Variants in AHCYL2 observed in about 807,000 individuals in gnomAD.
AHCYL2 encodes S-adenosylhomocysteine hydrolase-like protein 2.
In AHCYL2, 28 loss-of-function variants were observed where a neutral mutation model predicts 81.4. That is an observed-to-expected ratio of 0.34 (90% CI 0.25 to 0.47). The LOEUF is 0.47. AHCYL2 is among the 20% of genes least tolerant of loss of function. The pLI is 1.00. For synonymous variants in AHCYL2, 272 were observed against 290.2 expected (o/e 0.94, Z 0.64); for missense variants, 551 against 785.1 (o/e 0.70, Z 3.56).
At chr7:129,319,136 A>T (rs771469018) in intron 1 of AHCYL2, among the ~76,000 whole-genome samples, 1 of 152,294 alleles carries the variant, frequency 6.6e-6, no homozygotes, top group South Asian at 2.1e-4. Context: ...AGAAGAAATG[A>T]AATACAAATG....
intron 1 of AHCYL2, among the ~76,000 whole-genome samples, chr7:129,236,919 A>G (rs528144331): frequency 1.3e-5 from 2 of 152,306 alleles, no homozygotes; most frequent in East Asian, 3.9e-4. Context: ...ACTGTATGCC[A>G]AGTGCTGGGG....
At chr7:129,403,864 A>T (rs1425347400) in intron 7 of AHCYL2, among the ~76,000 whole-genome samples, 4 of 60,640 alleles carry the variant, frequency 6.6e-5, no homozygotes, top group Non-Finnish European at 1.1e-4. Context: ...CCATCTCAAA[A>T]AAAAAAAAAA....
rs1324874538 is a variant in AHCYL2, at chr7:129,422,919, G to A, written c.1541G>A (p.Arg514Lys). 2.5e-6 allele frequency: 4 copies of A among 1,613,964 alleles called. No homozygotes were observed. The highest frequency in any genetic ancestry group is 2.5e-6 in the Non-Finnish European group (3 of 1,180,012). The change falls in exon 13 of 17, where the codon AGG becomes AAG. Residue 514 changes from arginine (R) to lysine (K), a missense_variant. Arg to Lys is a conservative substitution (Grantham distance 26, BLOSUM62 2). Transcript: ENST00000325006. ...VDHVIWPDGKRIVLLAEGRLL... is the reference protein window; with the variant it reads ...VDHVIWPDGKKIVLLAEGRLL... The stretch of plus-strand genomic sequence containing the variant: ...CATGTGATATGGCCTGATGGCAAGA[G>A]GATAGTACTGCTGGCAGAGGTAAGG...
chr7:129,301,764 C>T (rs77188998), intron 1 of AHCYL2, among the ~76,000 whole-genome samples: 1 of 152,134 alleles, frequency 6.6e-6, no homozygotes, highest in African/African-American at 2.4e-5. Flanking sequence ...GTTACTGTAG[C>T]TCTGTAGTAT....
chr7:129,361,066 T>C (rs1793915186), intron 1 of AHCYL2, among the ~76,000 whole-genome samples: 1 of 152,228 alleles, frequency 6.6e-6, no homozygotes, highest in Admixed American at 6.5e-5. Context: ...TTCCAGACTT[T>C]CTAAATCAGA....
At chr7:129,381,149 T>C (rs1024988084) in intron 2 of AHCYL2, among the ~76,000 whole-genome samples, 2 of 152,198 alleles carry the variant, frequency 1.3e-5, no homozygotes, top group Non-Finnish European at 2.9e-5. Context: ...AAATAGTTTG[T>C]AACATTTCAA....
chr7:129,403,345 A>G, intron 6 of AHCYL2, 34 bp from the exon 7 acceptor site: 1 of 1,479,352 alleles, frequency 6.8e-7, no homozygotes, highest in Non-Finnish European at 9.3e-7. Flanking sequence ...GACTTCAGCA[A>G]AGTGAATGAT....
Position 129,368,685 on chromosome 7 carries a change from C to G in AHCYL2, c.364-10953C>G. On this transcript the variant is annotated intron_variant, in intron 1 of 16. Coordinates refer to ENST00000325006, the MANE Select transcript of AHCYL2 (RefSeq NM_015328.4). The surrounding 1 kb of genome is among the most constrained non-coding windows in gnomAD (Gnocchi z 4.4). ...GGTTGGAAAAACAGTTATTACTCTA[C>G]GTTCTGATTAGTTCCTAGGTACTAG... is the stretch of plus-strand genomic sequence containing the variant. 9.3e-7 allele frequency: 1 copy of G among 1,080,562 alleles called. No homozygotes were observed. Among genetic ancestry groups the G allele is most frequent in the Non-Finnish European group, 1.4e-6 (1 of 724,492 alleles). 66.9% of individuals were successfully genotyped at this position (1,080,562 alleles called of 1,614,324 possible).
In AHCYL2 at chr7:129,389,812, A is replaced by G. The variant is rs1795380534; in HGVS notation, c.720+78A>G. 12 of 1,205,500 alleles carry G rather than the reference A, an allele frequency of 1.0e-5. 1 individual carries two copies. The South Asian group carries it at 1.8e-4, about 18-fold the overall frequency. The allele number at this position is 1,205,500 out of a possible 1,614,324, so 74.7% of individuals were successfully genotyped here. A position where few individuals can be genotyped will look rare whatever the true frequency, so the allele number is the denominator to read the frequency against. ...GCTACTGAAAGCTTACAACATGCCA[A>G]GCACCGAGTTAAGAGCTTAACAAGT... On this transcript the variant is annotated intron_variant, in intron 4 of 16. Coordinates refer to ENST00000325006, the MANE Select transcript of AHCYL2 (RefSeq NM_015328.4).
chr7:129,389,304 G>T, intron 3 of AHCYL2, 105 bp downstream of exon 3: 2 of 1,352,996 alleles, frequency 1.5e-6, no homozygotes, highest in Non-Finnish European at 2.0e-6. Context: ...ATTTCTATGT[G>T]ATAAGAATAC....
In AHCYL2 at chr7:129,368,439, A is replaced by C. The variant is rs1281336245; in HGVS notation, c.364-11199A>C. The C allele has an allele frequency of 3.7e-6, 6 of 1,613,642 alleles. No homozygotes were observed. Among genetic ancestry groups the C allele is most frequent in the Non-Finnish European group, 5.1e-6 (6 of 1,179,754 alleles). On this transcript the variant is annotated intron_variant, in intron 1 of 16. Coordinates refer to ENST00000325006, the MANE Select transcript of AHCYL2 (RefSeq NM_015328.4). The surrounding 1 kb of genome is among the most constrained non-coding windows in gnomAD (Gnocchi z 4.4). ...TTTGGGGCACTCAGATAACCCCAGT[A>C]TTTCCAAACCAGCTTTCCCTTTTGC... is the stretch of plus-strand genomic sequence containing the variant.
intron 1 of AHCYL2, among the ~76,000 whole-genome samples, chr7:129,316,992 A>C (rs532208054): frequency 6.6e-6 from 1 of 152,216 alleles, no homozygotes; most frequent in Non-Finnish European, 1.5e-5. Context: ...TAAATGCCAG[A>C]TAGAGGTGCT....
intron 1 of AHCYL2, among the ~76,000 whole-genome samples, chr7:129,339,538 G>A (rs1057177470): frequency 1.3e-5 from 2 of 151,948 alleles, no homozygotes; most frequent in African/African-American, 4.8e-5. Flanking sequence ...CCATTCTGGG[G>A]ACTATTTTTT....
intron 10 of AHCYL2, among the ~76,000 whole-genome samples, chr7:129,408,621 C>G (rs1196912581): frequency 1.3e-5 from 2 of 152,124 alleles, no homozygotes; most frequent in African/African-American, 4.8e-5. Context: ...TAATTTGATC[C>G]TTGGCTATGA....
At chr7:129,410,168 T>G (rs888799778) in intron 11 of AHCYL2, 5 of 1,610,180 alleles carry the variant, frequency 3.1e-6, no homozygotes, top group Non-Finnish European at 4.2e-6. Context: ...GGGTTGGGGT[T>G]TATAACCAAT....
intron 1 of AHCYL2, among the ~76,000 whole-genome samples, chr7:129,234,073 T>G (rs1794547260): frequency 1.3e-5 from 2 of 151,596 alleles, no homozygotes; most frequent in Admixed American, 6.6e-5. Context: ...CTTCAAGAGA[T>G]GAAGTCTCAC....
chr7:129,401,719 CA>C (rs1796047154), intron 6 of AHCYL2, among the ~76,000 whole-genome samples: 1 of 152,112 alleles, frequency 6.6e-6, no homozygotes, highest in Non-Finnish European at 1.5e-5. Flanking sequence ...GCAGATATGC[CA>C]GGGGGTTTCT....
At chr7:129,415,069 C>T (rs1198151182) in intron 12 of AHCYL2, among the ~76,000 whole-genome samples, 1 of 152,214 alleles carries the variant, frequency 6.6e-6, no homozygotes, top group Non-Finnish European at 1.5e-5. Context: ...ATTACTCTCT[C>T]TTACCATGAT....
intron 15 of AHCYL2, among the ~76,000 whole-genome samples, chr7:129,425,423 A>C (rs1000393967): frequency 5.9e-5 from 9 of 152,132 alleles, no homozygotes; most frequent in Admixed American, 2.0e-4. Flanking sequence ...GGAATCTCAA[A>C]GGAGAAAAAA....
Sources: allele counts gnomAD v4.1 joint callset (sites outside exome capture counted in the v4.1 genomes callset), GRCh38; gene constraint gnomAD v4.1.1; non-coding constraint Gnocchi (gnomAD v3.1); transcripts MANE v1.5; gene names NCBI Gene and HGNC (gene_info 2026-07-23, HGNC 2026-07-21).